KITLG: variants seen among roughly 807,000 people sequenced by gnomAD.
The protein encoded by KITLG is KIT ligand, also known as c-Kit ligand.
Under a neutral mutation model 34.1 loss-of-function variants are expected in KITLG, and 13 were observed. The ratio of observed to expected loss-of-function variants is 0.38; its 90% CI spans 0.25 to 0.61. The LOEUF is 0.61. Among genes scored for constraint, KITLG ranks in the 20% least tolerant of loss-of-function variants. The pLI, the probability that KITLG is intolerant of heterozygous loss-of-function variation, is 0.60. For synonymous variants in KITLG, 110 were observed against 104.0 expected (o/e 1.06, Z -0.35); for missense variants, 292 against 318.9 (o/e 0.92, Z 0.64).
At chr12:88,527,845 T>C (rs148578754) in intron 3 of KITLG, among the ~76,000 whole-genome samples, 5 of 152,226 alleles carry the variant, frequency 3.3e-5, no homozygotes, top group African/African-American at 9.6e-5. Flanking sequence ...TTAAGAAACA[T>C]CAATCAAATG....
At chr12:88,580,138 T>C (rs969210345) in intron 1 of KITLG, 126 bp downstream of exon 1, 2 of 1,031,518 alleles carry the variant, frequency 1.9e-6, no homozygotes, top group Admixed American at 4.0e-5. Context: ...CGCATCCTCT[T>C]GTCTCACCCG....
chr12:88,568,613 A>G (rs1032524227), intron 1 of KITLG, among the ~76,000 whole-genome samples: 6 of 152,130 alleles, frequency 3.9e-5, no homozygotes, highest in Admixed American at 1.3e-4. Context: ...CATTCTGTCT[A>G]ACTCCAAACC....
intron 3 of KITLG, among the ~76,000 whole-genome samples, chr12:88,526,798 G>C (rs756975456): frequency 6.6e-6 from 1 of 151,508 alleles, no homozygotes; most frequent in Non-Finnish European, 1.5e-5. Context: ...GTGGCAGCAA[G>C]GAACTGGTAA....
chr12:88,528,455 A>T (rs914588775), intron 3 of KITLG, among the ~76,000 whole-genome samples: 1 of 152,238 alleles, frequency 6.6e-6, no homozygotes, highest in Non-Finnish European at 1.5e-5. Context: ...GAAAATTCCA[A>T]TCCTAGATAG....
chr12:88,512,383 C>T (rs546941366), intron 6 of KITLG, among the ~76,000 whole-genome samples: 2 of 151,900 alleles, frequency 1.3e-5, no homozygotes, highest in African/African-American at 4.8e-5. Context: ...AATAAATGAA[C>T]AAAACTTCTG....
At chr12:88,545,888 C>A in intron 1 of KITLG, 23 bp from the exon 2 acceptor site, 1 of 1,406,168 alleles carries the variant, frequency 7.1e-7, no homozygotes, top group Non-Finnish European at 1.0e-6. Context: ...AGAAAAATTG[C>A]TTGGTGATCA....
At chr12:88,524,416 T>A (rs1426382368) in intron 3 of KITLG, among the ~76,000 whole-genome samples, 2 of 152,172 alleles carry the variant, frequency 1.3e-5, no homozygotes, top group Non-Finnish European at 2.9e-5. Context: ...GAAAATTTAG[T>A]GTATGAACTG....
chr12:88,519,185 T>G (rs1869568739), intron 3 of KITLG, among the ~76,000 whole-genome samples: 1 of 151,944 alleles, frequency 6.6e-6, no homozygotes, highest in Non-Finnish European at 1.5e-5. Context: ...TAATATTACA[T>G]TACTTAAAAT....
At chr12:88,544,506 GT>G (rs201460412) in intron 2 of KITLG, among the ~76,000 whole-genome samples, 1 of 80,130 alleles carries the variant, frequency 1.2e-5, no homozygotes. Flanking sequence ...TAAACAGTAT[GT>G]TTTTAAAAAA....
rs568823985 is a variant in KITLG, at chr12:88,551,828, T to C, written c.16-5963A>G. 7.2e-5 allele frequency among the ~76,000 whole-genome samples: 11 copies of C among 152,248 alleles called. No individual in the cohort carries two copies. The South Asian group carries it at 2.3e-3, about 32-fold the overall frequency. On this transcript the variant is annotated intron_variant, in intron 1 of 9. Coordinates refer to ENST00000644744, the MANE Select transcript of KITLG (RefSeq NM_000899.5). ...CATGGCAAAATGGACTTTCCAGACA[T>C]GATTACGTTAAGAACTAGAGATGAA... is the stretch of plus-strand genomic sequence containing the variant.
In KITLG at chr12:88,507,056, C is replaced by T. The variant is rs781200689; in HGVS notation, c.686G>A (p.Gly229Asp). 1 of 1,611,864 alleles carries T rather than the reference C, an allele frequency of 6.2e-7. No individual in the cohort carries two copies. ...ALPALFSLII[G>D]FAFGALYWKK... ...CCAGTATAAGGCTCCAAAAGCAAAG[C>T]CAATTATAAGAGAAAACAATGCTGG... Residue 229 changes from glycine (G) to aspartate (D), a missense_variant, in exon 7 of 10, where the codon GGC becomes GAC. By Grantham distance (94) the Gly-to-Asp change is moderately conservative. Coordinates refer to ENST00000644744, the MANE Select transcript of KITLG (RefSeq NM_000899.5).
chr12:88,578,195 T>G (rs1219060147), intron 1 of KITLG, among the ~76,000 whole-genome samples: 1 of 152,192 alleles, frequency 6.6e-6, no homozygotes, highest in East Asian at 1.9e-4. Flanking sequence ...GATTATTTTA[T>G]TGATTTTGGG....
At chr12:88,567,955 T>G (rs1488338692) in intron 1 of KITLG, among the ~76,000 whole-genome samples, 3 of 152,204 alleles carry the variant, frequency 2.0e-5, no homozygotes, top group Non-Finnish European at 2.9e-5. Context: ...AAAAACTAAT[T>G]TGAGGCTCAT....
intron 6 of KITLG, among the ~76,000 whole-genome samples, chr12:88,510,124 G>C (rs528513696): frequency 3.9e-4 from 59 of 152,234 alleles, no homozygotes; most frequent in Non-Finnish European, 6.9e-4. Context: ...TGTTTCATTT[G>C]ACTAATAATA....
At chr12:88,499,738 C>T (rs1868780971) in intron 9 of KITLG, among the ~76,000 whole-genome samples, 1 of 152,176 alleles carries the variant, frequency 6.6e-6, no homozygotes, top group South Asian at 2.1e-4. Context: ...GCCTGTGATG[C>T]CAAGTCTCAC....
At chr12:88,573,948 C>T (rs1234766712) in intron 1 of KITLG, among the ~76,000 whole-genome samples, 1 of 152,222 alleles carries the variant, frequency 6.6e-6, no homozygotes, top group East Asian at 1.9e-4. Flanking sequence ...GCCCCGCTCC[C>T]TCCCAATTTA....
chr12:88,556,117 G>C (rs555431762), intron 1 of KITLG, among the ~76,000 whole-genome samples: 148 of 151,774 alleles, frequency 9.8e-4, no homozygotes, highest in African/African-American at 3.4e-3. Context: ...AGACCCCTGA[G>C]AGAGGAAGTA....
chr12:88,544,126 T>C (rs1870621317), intron 2 of KITLG, among the ~76,000 whole-genome samples: 1 of 152,098 alleles, frequency 6.6e-6, no homozygotes, highest in Non-Finnish European at 1.5e-5. Flanking sequence ...CTGAGGCACT[T>C]AGTATGGTTC....
chr12:88,536,546 T>C (rs1309089892), intron 2 of KITLG, among the ~76,000 whole-genome samples: 1 of 152,152 alleles, frequency 6.6e-6, no homozygotes, highest in Non-Finnish European at 1.5e-5. Context: ...GTATGTTTAT[T>C]GCGGCACTAT....
Sources: allele counts gnomAD v4.1 joint callset (sites outside exome capture counted in the v4.1 genomes callset), GRCh38; gene constraint gnomAD v4.1.1; transcripts MANE v1.5; gene names NCBI Gene and HGNC (gene_info 2026-07-23, HGNC 2026-07-21).